SUSD4: variants seen among roughly 807,000 people sequenced by gnomAD.
SUSD4 encodes the protein sushi domain containing 4, also known as sushi domain-containing protein 4.
Under a neutral mutation model 50.5 loss-of-function variants are expected in SUSD4, and 41 were observed. The ratio of observed to expected loss-of-function variants is 0.81; its 90% CI spans 0.63 to 1.05. SUSD4 has a LOEUF of 1.05. SUSD4 is among the 50% of genes least tolerant of loss of function. SUSD4 has a pLI of 0.00. For missense variants in SUSD4, 580 were observed against 634.7 expected (o/e 0.91, Z 0.93); for synonymous variants, 257 against 257.3 (o/e 1.00, Z 0.01).
At chr1:223,335,804 T>C (rs1268009302) in intron 2 of SUSD4, among the ~76,000 whole-genome samples, 1 of 152,164 alleles carries the variant, frequency 6.6e-6, no homozygotes, top group African/African-American at 2.4e-5. Flanking sequence ...ACTGAGACGG[T>C]GATCAGAGGG....
intron 5 of SUSD4, among the ~76,000 whole-genome samples, chr1:223,253,469 T>C (rs929978112): frequency 1.3e-5 from 2 of 151,996 alleles, no homozygotes; most frequent in African/African-American, 4.8e-5. Context: ...ACTCCAAATG[T>C]CTAATTAATT....
intron 5 of SUSD4, among the ~76,000 whole-genome samples, chr1:223,257,273 G>T (rs1324998898): frequency 1.3e-5 from 2 of 152,182 alleles, no homozygotes; most frequent in Non-Finnish European, 2.9e-5. Flanking sequence ...GGAGGCCGAG[G>T]TGGGAGGATT....
intron 7 of SUSD4, among the ~76,000 whole-genome samples, chr1:223,224,097 C>G (rs1208845573): frequency 6.6e-6 from 1 of 152,192 alleles, no homozygotes; most frequent in African/African-American, 2.4e-5. Context: ...ACCTGCAATC[C>G]CAGCACTTTG....
chr1:223,360,796 CT>C (rs1040917298), intron 2 of SUSD4, among the ~76,000 whole-genome samples: 56 of 152,176 alleles, frequency 3.7e-4, no homozygotes, highest in African/African-American at 1.3e-3. Context: ...TAAATATACA[CT>C]TTTTTGTGGA....
chr1:223,233,462 A>G (rs1349239453), intron 5 of SUSD4, among the ~76,000 whole-genome samples: 2 of 152,142 alleles, frequency 1.3e-5, no homozygotes, highest in East Asian at 1.9e-4. Flanking sequence ...CTCACCCAAC[A>G]CTGCCTCTCA....
rs1393986026 is a variant in SUSD4 at position 223,222,154 on chromosome 1, C to T, written c.*38G>A. The T allele has an allele frequency of 1.2e-6, 2 of 1,607,716 alleles. No homozygotes were observed. Among genetic ancestry groups the T allele is most frequent in the Non-Finnish European group, 1.7e-6 (2 of 1,177,660 alleles). On this transcript the variant is annotated 3_prime_UTR_variant, in exon 9 of 9. Coordinates refer to ENST00000366878, the MANE Select transcript of SUSD4 (RefSeq NM_017982.4). ...CACTCCAAGATACAAGGTCCTTTCC[C>T]CGAAGGAGCAGGAGAGTCATCTGGA...
intron 5 of SUSD4, chr1:223,235,054 G>T: frequency 6.2e-7 from 1 of 1,610,026 alleles, no homozygotes; most frequent in Non-Finnish European, 8.5e-7. Context: ...CTGCCAACCT[G>T]ATGTGTGGGA....
At chr1:223,254,296 G>A (rs1661535161) in intron 5 of SUSD4, among the ~76,000 whole-genome samples, 4 of 152,148 alleles carry the variant, frequency 2.6e-5, no homozygotes. Flanking sequence ...GAAGCTGTCA[G>A]CTTTCTTTCC....
At chr1:223,299,801 G>A (rs570513676) in intron 2 of SUSD4, among the ~76,000 whole-genome samples, 21 of 152,250 alleles carry the variant, frequency 1.4e-4, no homozygotes, top group African/African-American at 3.6e-4. Flanking sequence ...CTTCAAGGAC[G>A]TGGATCTTCT....
chr1:223,309,616 A>G (rs950435850), intron 2 of SUSD4, among the ~76,000 whole-genome samples: 2 of 152,182 alleles, frequency 1.3e-5, no homozygotes, highest in Admixed American at 6.5e-5. Context: ...TTAGAGAAAT[A>G]CAGGAAGGTG....
intron 5 of SUSD4, among the ~76,000 whole-genome samples, chr1:223,256,089 C>T (rs1014647664): frequency 6.6e-6 from 1 of 152,182 alleles, no homozygotes; most frequent in Non-Finnish European, 1.5e-5. Context: ...TGGAAATTCC[C>T]CCATTGCTCA....
At chr1:223,226,424 G>C (rs575765109) in intron 7 of SUSD4, among the ~76,000 whole-genome samples, 2 of 152,192 alleles carry the variant, frequency 1.3e-5, no homozygotes, top group Non-Finnish European at 2.9e-5. Flanking sequence ...CACCTATCAG[G>C]TTGTGACCAT....
Position 223,221,102 on chromosome 1 carries a change from T to C in SUSD4, c.*1090A>G. On this transcript the variant is annotated 3_prime_UTR_variant, in exon 9 of 9. Transcript: ENST00000366878. ...GACCCTCAAAGTAGGAATGCAGGAA[T>C]GATAGGCAGGTGAGGTGGCTGAGCT... 2.5e-6 allele frequency: 1 copy of C among 400,864 alleles called. No individual in the cohort carries two copies. Among genetic ancestry groups the C allele is most frequent in the South Asian group, 1.3e-4 (1 of 7,954 alleles). The allele number at this position is 400,864 out of a possible 1,614,324, so 24.8% of individuals were successfully genotyped here.
intron 2 of SUSD4, among the ~76,000 whole-genome samples, chr1:223,312,563 G>A (rs1206998273): frequency 6.6e-6 from 1 of 152,154 alleles, no homozygotes; most frequent in African/African-American, 2.4e-5. Context: ...GAATTACCCT[G>A]TCCATCTCTC....
chr1:223,259,478 T>C (rs1224356879), intron 5 of SUSD4, among the ~76,000 whole-genome samples: 3 of 152,216 alleles, frequency 2.0e-5, no homozygotes, highest in Non-Finnish European at 4.4e-5. Context: ...CCTTGCAACC[T>C]GTCTCAAAGA....
intron 5 of SUSD4, chr1:223,263,583 G>T: frequency 1.0e-6 from 1 of 985,256 alleles, no homozygotes; most frequent in South Asian, 4.7e-5. Context: ...AAAACCAATG[G>T]GAAGGGCTGG....
At chr1:223,344,396 C>T (rs1667919349) in intron 2 of SUSD4, among the ~76,000 whole-genome samples, 1 of 152,104 alleles carries the variant, frequency 6.6e-6, no homozygotes, top group South Asian at 2.1e-4. Context: ...CAATTACCTC[C>T]ACCTGCCTGG....
intron 5 of SUSD4, among the ~76,000 whole-genome samples, chr1:223,250,866 C>T (rs951893388): frequency 3.9e-5 from 6 of 152,106 alleles, no homozygotes; most frequent in African/African-American, 1.4e-4. Context: ...GGATGCTGGC[C>T]AACTGGGGTT....
Position 223,327,643 on chromosome 1 carries a change from G to A in SUSD4, c.149-34992C>T, listed in dbSNP as rs918470027. ...CACAGTTCCGATAACCCAGCAAGGG[G>A]CACAAGGCCACTTCTGGCCCATAGG... On this transcript the variant is annotated intron_variant, in intron 2 of 8. Coordinates refer to ENST00000366878, the MANE Select transcript of SUSD4 (RefSeq NM_017982.4). Among the ~76,000 whole-genome samples the A allele has an allele frequency of 2.6e-5, 4 of 152,130 alleles. 1 individual carries two copies. The highest frequency in any genetic ancestry group is 2.6e-4 in the Admixed American group (4 of 15,284).
Sources: allele counts gnomAD v4.1 joint callset (sites outside exome capture counted in the v4.1 genomes callset), GRCh38; gene constraint gnomAD v4.1.1; transcripts MANE v1.5; gene names NCBI Gene and HGNC (gene_info 2026-07-23, HGNC 2026-07-21).